Variants in C5 observed in about 807,000 individuals in gnomAD.
C5 encodes the protein C3 and PZP-like alpha-2-macroglobulin domain-containing protein 4.
A neutral mutation model predicts 218.8 loss-of-function variants in C5; 140 were observed. The observed-to-expected ratio is 0.64, with a 90% CI of 0.56 to 0.74. The LOEUF is 0.74. C5 is among the 30% of genes least tolerant of loss of function. The pLI, the probability that C5 is intolerant of heterozygous loss-of-function variation, is 0.00. For synonymous variants in C5, 614 were observed against 682.3 expected, an observed-to-expected ratio of 0.90 and a Z score of 1.56; for missense variants, 1,700 against 1,969.6, an observed-to-expected ratio of 0.86 and a Z score of 2.59.
chr9:121,055,032 C>T (rs1181945934), upstream of C5, among the ~76,000 whole-genome samples: 5 of 152,146 alleles, frequency 3.3e-5, no homozygotes, highest in Non-Finnish European at 7.3e-5. Context: ...AATAGCTTAA[C>T]CCTCTCAACC....
At chr9:121,025,285 T>C (rs1474804424) in intron 9 of C5, among the ~76,000 whole-genome samples, 169 bp downstream of exon 9, 1 of 152,146 alleles carries the variant, frequency 6.6e-6, no homozygotes, top group African/African-American at 2.4e-5. Context: ...CTACTGCCTT[T>C]TTATAACTAT....
At chr9:121,059,020 A>C in the C5 span, among the ~76,000 whole-genome samples, 2 of 152,240 alleles carry the variant, frequency 1.3e-5, no homozygotes, top group Non-Finnish European at 1.5e-5. This position sits in a 1 kb window ranked among gnomAD's most constrained non-coding sequence, Gnocchi z 4.1. Flanking sequence ...TCAGAGAATA[A>C]CTGGATAAGC....
intron 3 of C5, among the ~76,000 whole-genome samples, chr9:121,039,918 T>C (rs923546456): frequency 6.6e-6 from 1 of 152,228 alleles, no homozygotes; most frequent in African/African-American, 2.4e-5. Flanking sequence ...ATTACAGGCA[T>C]GAGCCACCGC....
At chr9:120,986,655 CAG>C (rs2047035309) in intron 25 of C5, among the ~76,000 whole-genome samples, 2 of 152,166 alleles carry the variant, frequency 1.3e-5, no homozygotes, top group African/African-American at 4.8e-5. Flanking sequence ...ATCTATTTCC[CAG>C]GTCCTGCTGT....
intron 16 of C5, 22 bp from the exon 17 acceptor site, chr9:121,014,092 T>C (rs1433561417): frequency 6.3e-7 from 1 of 1,599,416 alleles, no homozygotes; most frequent in Non-Finnish European, 8.6e-7. Context: ...ATAATGCAAG[T>C]GCTCTTGATG....
the C5 span, among the ~76,000 whole-genome samples, chr9:121,065,322 A>C: frequency 6.6e-6 from 1 of 152,214 alleles, no homozygotes; most frequent in Non-Finnish European, 1.5e-5. Context: ...ATATATTTTT[A>C]TAGGTAGAGA....
chr9:121,017,385 C>T lies in C5; in HGVS notation c.1843G>A (p.Gly615Arg). ...ACTCTTTCCAAGGGCTTTTTGGCTC[C>T]TCTTTGGACTCCATACACAGCACTG... ...VDSAVYGVQR[G>R]AKKPLERVFQ... The change falls in exon 14 of 41, where the codon GGA (glycine) becomes AGA (arginine). Residue 615 changes from glycine (G) to arginine (R), a missense_variant. Transcript: ENST00000223642. 6.2e-7 allele frequency: 1 copy of T among 1,613,880 alleles called. No homozygotes were observed. Among genetic ancestry groups the T allele is most frequent in the Non-Finnish European group, 8.5e-7 (1 of 1,179,940 alleles).
chr9:120,965,803 C>G (rs2046863249), intron 33 of C5, among the ~76,000 whole-genome samples: 1 of 152,102 alleles, frequency 6.6e-6, no homozygotes, highest in South Asian at 2.1e-4. Context: ...AAAGGGCCTC[C>G]CGAGTGGAGA....
Position 120,962,876 on chromosome 9 carries a change from T to G in C5, c.4398+17A>C, listed in dbSNP as rs1405416188. The G allele has an allele frequency of 1.2e-6, 2 of 1,612,250 alleles. No individual in the cohort carries two copies. The highest frequency in any genetic ancestry group is 4.5e-5 in the East Asian group (2 of 44,884). ...AATAGTAATAGTAAAGGAAAAATGG[T>G]TGCAGGTGGAGCTTACCGAATTCAG... On this transcript the variant is annotated intron_variant, in intron 35 of 40. Coordinates refer to ENST00000223642, the MANE Select transcript of C5 (RefSeq NM_001735.3).
intron 25 of C5, among the ~76,000 whole-genome samples, chr9:120,984,381 T>G (rs1564140006): frequency 6.6e-6 from 1 of 152,184 alleles, no homozygotes; most frequent in Non-Finnish European, 1.5e-5. Flanking sequence ...GAGAAATACT[T>G]CTACGGATTG....
chr9:121,002,220 A>ATATATATGTATATATGTATATG (rs2047169680), intron 20 of C5, among the ~76,000 whole-genome samples: 3 of 47,294 alleles, frequency 6.3e-5, no homozygotes, highest in African/African-American at 1.2e-4. Flanking sequence ...ATATACGTAT[A>ATATATATGTATATATGTATATG]TATATATATG....
chr9:120,980,012 C>A, intron 28 of C5, 71 bp downstream of exon 28: 2 of 1,395,078 alleles, frequency 1.4e-6, no homozygotes, highest in Non-Finnish European at 1.0e-6. Context: ...ATGTCACCAC[C>A]CACTTCCCAG....
intron 14 of C5, 105 bp from the exon 15 acceptor site, chr9:121,016,488 A>G: frequency 1.4e-6 from 2 of 1,401,224 alleles, no homozygotes; most frequent in Non-Finnish European, 2.0e-6. Context: ...CCAGTGAAAT[A>G]CACAGATGAT....
At chr9:121,061,568 T>C in the C5 span, among the ~76,000 whole-genome samples, 1 of 152,212 alleles carries the variant, frequency 6.6e-6, no homozygotes, top group Non-Finnish European at 1.5e-5. Context: ...TTTCCTTTCA[T>C]CTGTAGTCTT....
the C5 span, among the ~76,000 whole-genome samples, chr9:121,066,463 T>G: frequency 6.6e-6 from 1 of 151,892 alleles, no homozygotes; most frequent in Non-Finnish European, 1.5e-5. Flanking sequence ...AACTCACAAC[T>G]TTAAGTGAGC....
At chr9:120,962,472 G>A (rs984879505) in intron 36 of C5, among the ~76,000 whole-genome samples, 199 bp downstream of exon 36, 33 of 152,012 alleles carry the variant, frequency 2.2e-4, no homozygotes, top group African/African-American at 5.6e-4. Flanking sequence ...GAGGTGAAAC[G>A]GTCTGCTCAA....
chr9:121,026,954 G>A (rs894004874), intron 8 of C5, among the ~76,000 whole-genome samples: 3 of 152,062 alleles, frequency 2.0e-5, no homozygotes, highest in Non-Finnish European at 4.4e-5. Context: ...GGGAGGGAGG[G>A]AGGAAAGGGC....
chr9:121,057,632 C>T, the C5 span, among the ~76,000 whole-genome samples: 1 of 151,530 alleles, frequency 6.6e-6, no homozygotes, highest in Non-Finnish European at 1.5e-5. Flanking sequence ...AATTGCTACA[C>T]AAAAAATAAA....
upstream of C5, among the ~76,000 whole-genome samples, chr9:121,052,340 C>T (rs372063370): frequency 2.0e-5 from 3 of 151,258 alleles, no homozygotes; most frequent in East Asian, 1.9e-4. Context: ...GCCTGTAATC[C>T]CAGCTACTTG....
Sources: gnomAD v4.1 joint callset for allele counts (sites outside exome capture counted in the v4.1 genomes callset) on GRCh38, gnomAD v4.1.1 for gene constraint, Gnocchi (gnomAD v3.1) non-coding constraint, MANE v1.5 for transcripts, NCBI Gene and HGNC (gene_info 2026-07-23, HGNC 2026-07-21) for gene names.